Variants in EDA observed in about 807,000 individuals in gnomAD.
EDA encodes the protein ectodysplasin-A.
Under a neutral mutation model 23.6 loss-of-function variants are expected in EDA, and 2 were observed. The ratio of observed to expected loss-of-function variants is 0.08; its 90% CI spans 0.03 to 0.27. EDA has a LOEUF of 0.27. Among genes scored for constraint, EDA ranks in the 10% least tolerant of loss-of-function variants. The pLI, the probability that EDA is intolerant of heterozygous loss-of-function variation, is 1.00. For missense variants in EDA, 229 were observed against 324.2 expected (o/e 0.71, Z 2.26); for synonymous variants, 131 against 132.0 (o/e 0.99, Z 0.05).
At chrX:69,663,493 G>C (rs1368309993) in intron 1 of EDA, among the ~76,000 whole-genome samples, 1 of 112,678 alleles carries the variant, frequency 8.9e-6, no homozygotes, top group Non-Finnish European at 1.9e-5. Flanking sequence ...CTAGATTTCA[G>C]AGGATGTATG....
At chrX:69,771,552 G>A (rs1032890868) in intron 1 of EDA, among the ~76,000 whole-genome samples, 1 of 111,594 alleles carries the variant, frequency 9.0e-6, no homozygotes, top group Non-Finnish European at 1.9e-5. Context: ...ACTACTACTG[G>A]ACATGAGGCT....
chrX:69,844,000 C>T (rs183322215), intron 1 of EDA, among the ~76,000 whole-genome samples: 1,248 of 80,383 alleles, frequency 0.016, 16 homozygotes, highest in African/African-American at 0.054. Flanking sequence ...CCAGCCTGGG[C>T]GACAGAGCAA....
At chrX:69,706,813 G>T (rs141425349) in intron 1 of EDA, among the ~76,000 whole-genome samples, 6,647 of 111,091 alleles carry the variant, frequency 0.06, 203 homozygotes, top group Middle Eastern at 0.09. Context: ...GATTATAAAT[G>T]TTTCTTATCA....
chrX:69,739,867 A>T (rs1365036330), intron 1 of EDA, among the ~76,000 whole-genome samples: 1 of 111,609 alleles, frequency 9.0e-6, no homozygotes, highest in Admixed American at 9.5e-5. Flanking sequence ...CAAATCAAGC[A>T]AAAACATTGT....
In EDA at chrX:69,785,269, T is replaced by C. The variant is rs753212841; in HGVS notation, c.396+168565T>C. Among the ~76,000 whole-genome samples, 92 of 88,515 alleles carry C rather than the reference T, an allele frequency of 1.0e-3. 1 individual carries two copies. Among genetic ancestry groups the C allele is most frequent in the Middle Eastern group, 5.8e-3 (1 of 171 alleles). 76.9% of individuals were successfully genotyped at this position (88,515 alleles called of 115,157 possible). On this transcript the variant is annotated intron_variant, in intron 1 of 7. Coordinates refer to ENST00000374552, the MANE Select transcript of EDA (RefSeq NM_001399.5). Reference sequence around the variant, plus strand: ...ACAATTTGACTTCCTCTTTTCCTAATTGAATACCCTTTATTTCCTTCTCCT... The same window carrying C: ...ACAATTTGACTTCCTCTTTTCCTAACTGAATACCCTTTATTTCCTTCTCCT...
At chrX:69,764,361 A>G (rs1357021634) in intron 1 of EDA, among the ~76,000 whole-genome samples, 6 of 101,379 alleles carry the variant, frequency 5.9e-5, no homozygotes, top group East Asian at 3.2e-4. Flanking sequence ...TCGTGCCTCA[A>G]CCACCTGAGT....
At chrX:70,031,571 T>TA (rs935285689) in intron 6 of EDA, among the ~76,000 whole-genome samples, 96 of 110,970 alleles carry the variant, frequency 8.7e-4, no homozygotes, top group African/African-American at 1.9e-3. Flanking sequence ...AAAGGAAGGT[T>TA]AAAAAAAACA....
chrX:69,759,414 A>C (rs2014229657), intron 1 of EDA, among the ~76,000 whole-genome samples: 1 of 112,179 alleles, frequency 8.9e-6, no homozygotes, highest in Admixed American at 9.5e-5. Flanking sequence ...TGAAAGCAGA[A>C]AGTGCTAATT....
intron 2 of EDA, among the ~76,000 whole-genome samples, chrX:69,979,996 C>A (rs1423343232): frequency 9.0e-6 from 1 of 110,737 alleles, no homozygotes; most frequent in Non-Finnish European, 1.9e-5. Flanking sequence ...AGTCCAGGAT[C>A]TGTTTTTTTT....
At chrX:69,672,416 G>A (rs781390171) in intron 1 of EDA, 4 of 112,044 alleles carry the variant, frequency 3.6e-5, no homozygotes, top group African/African-American at 1.3e-4. Context: ...GAAAAGGGTG[G>A]AGCTGGGGAA....
At chrX:69,705,976 C>T (rs764722020) in intron 1 of EDA, among the ~76,000 whole-genome samples, 43 of 112,070 alleles carry the variant, frequency 3.8e-4, no homozygotes, top group Non-Finnish European at 7.7e-4. Flanking sequence ...TCACCTTAAA[C>T]AAAGGTAAGG....
intron 1 of EDA, among the ~76,000 whole-genome samples, chrX:69,650,350 G>T (rs1259991371): frequency 1.8e-5 from 2 of 111,862 alleles, no homozygotes; most frequent in Non-Finnish European, 3.8e-5. Flanking sequence ...TCTAATGGCA[G>T]AGCCAGCAAA....
In EDA at chrX:69,719,405, T is replaced by G. The variant is rs2012482423; in HGVS notation, c.396+102701T>G. ...AGTGATTTTTGGTTACATGGATGAA[T>G]TGTATAGTGATGAAGTCTGAGCTTT... On this transcript the variant is annotated intron_variant, in intron 1 of 7. Coordinates refer to ENST00000374552, the MANE Select transcript of EDA (RefSeq NM_001399.5). 2.7e-5 allele frequency among the ~76,000 whole-genome samples: 3 copies of G among 111,414 alleles called. No individual in the cohort carries two copies. The South Asian group carries it at 1.1e-3, about 42-fold the overall frequency.
chrX:69,765,229 G>A (rs1004461910), intron 1 of EDA, among the ~76,000 whole-genome samples: 6 of 111,956 alleles, frequency 5.4e-5, no homozygotes, highest in South Asian at 3.7e-4. Flanking sequence ...ATTTTCATGC[G>A]TTCATTCAAC....
intron 1 of EDA, among the ~76,000 whole-genome samples, chrX:69,711,912 C>G (rs183563848): frequency 9.0e-6 from 1 of 111,265 alleles, no homozygotes; most frequent in African/African-American, 3.3e-5. Context: ...TGCTAGCAGT[C>G]TATCAATTTT....
intron 1 of EDA, among the ~76,000 whole-genome samples, chrX:69,888,854 G>A (rs969185356): frequency 2.2e-4 from 22 of 101,649 alleles, no homozygotes; most frequent in Non-Finnish European, 2.0e-4. Context: ...TTGCTTTCAC[G>A]TTTTGGCTAT....
At chrX:69,754,316 C>G (rs937259598) in intron 1 of EDA, among the ~76,000 whole-genome samples, 1 of 111,536 alleles carries the variant, frequency 9.0e-6, no homozygotes, top group Non-Finnish European at 1.9e-5. Context: ...ATTTCTCCTT[C>G]ACTATGAAGC....
intron 1 of EDA, among the ~76,000 whole-genome samples, chrX:69,954,368 C>T (rs182920835): frequency 2.7e-5 from 3 of 111,503 alleles, no homozygotes; most frequent in African/African-American, 9.8e-5. Context: ...TCCTCCAAGA[C>T]GACTTGTTCA....
intron 1 of EDA, among the ~76,000 whole-genome samples, chrX:69,757,849 T>C (rs2014171884): frequency 8.9e-6 from 1 of 112,536 alleles, no homozygotes; most frequent in Non-Finnish European, 1.9e-5. Context: ...AATCTATACC[T>C]GTCCTAATAT....
Sources: gnomAD v4.1 joint callset for allele counts (sites outside exome capture counted in the v4.1 genomes callset) on GRCh38, gnomAD v4.1.1 for gene constraint, MANE v1.5 for transcripts, NCBI Gene and HGNC (gene_info 2026-07-23, HGNC 2026-07-21) for gene names.